Variants in SLC24A2 observed in about 807,000 individuals in gnomAD.
The protein encoded by SLC24A2 is sodium/potassium/calcium exchanger 2.
In SLC24A2, 36 loss-of-function variants were observed where a neutral mutation model predicts 62.0. The ratio of observed to expected loss-of-function variants is 0.58; its 90% CI spans 0.44 to 0.77. The LOEUF is 0.77. SLC24A2 is among the 30% of genes least tolerant of loss of function. SLC24A2 has a pLI of 0.00. For synonymous variants in SLC24A2, 358 were observed against 294.0 expected (o/e 1.22, Z -2.23); for missense variants, 846 against 817.9 (o/e 1.03, Z -0.42).
the SLC24A2 span, among the ~76,000 whole-genome samples, chr9:19,959,875 G>T: frequency 6.6e-6 from 1 of 152,164 alleles, no homozygotes; most frequent in Non-Finnish European, 1.5e-5. Flanking sequence ...TAAAAATGGA[G>T]AAAGTAAAAT....
intron 2 of SLC24A2, among the ~76,000 whole-genome samples, chr9:19,775,834 T>G (rs1822829644): frequency 6.6e-6 from 1 of 152,128 alleles, no homozygotes. Context: ...TTCTTCACCT[T>G]GATCAAACAG....
rs766135341 is a variant in SLC24A2 at position 19,550,138 on chromosome 9, G to A, written c.1478C>T (p.Pro493Leu). ...CTATTTTTAAAATGCTTTACTTACA[G>A]GTTTGCGAACGTCAGGTAACGTAAT... ...LWITLPDVRK[P>L]SSRKFFPITF... The change falls in exon 8 of 11, where the codon CCT becomes CTT. Residue 493 changes from proline (P) to leucine (L), a missense_variant and splice_region_variant. Transcript: ENST00000341998. The A allele has an allele frequency of 3.1e-6, 5 of 1,613,726 alleles. No individual in the cohort carries two copies. The South Asian group carries it at 4.4e-5, about 14-fold the overall frequency.
At position 19,507,680 on chromosome 9, in the gene SLC24A2, T is replaced by G. The variant is rs1832550625; in HGVS notation, c.*8473A>C. On this transcript the variant is annotated 3_prime_UTR_variant, in exon 11 of 11. Transcript: ENST00000341998. ...GCTTCCTGTCTATGTACAGACATAT[T>G]CACAGAGAATAAACTGACATAGTAT... 6.6e-6 allele frequency: 1 copy of G among 152,206 alleles called. No homozygotes were observed. The highest frequency in any genetic ancestry group is 1.5e-5 in the Non-Finnish European group (1 of 68,028). The allele number at this position is 152,206 out of a possible 1,614,324, so 9.4% of individuals were successfully genotyped here. A position where few individuals can be genotyped will look rare whatever the true frequency, so the allele number is the denominator to read the frequency against.
chr9:20,110,913 T>A, the SLC24A2 span, among the ~76,000 whole-genome samples: 1 of 152,210 alleles, frequency 6.6e-6, no homozygotes, highest in African/African-American at 2.4e-5. Flanking sequence ...CATTTTACAA[T>A]CAATGGCATG....
chr9:20,231,100 T>C, the SLC24A2 span, among the ~76,000 whole-genome samples: 1 of 152,212 alleles, frequency 6.6e-6, no homozygotes, highest in African/African-American at 2.4e-5. Flanking sequence ...TATATCTCTG[T>C]TTTGGTACCA....
chr9:19,896,372 C>A, the SLC24A2 span, among the ~76,000 whole-genome samples: 1 of 152,156 alleles, frequency 6.6e-6, no homozygotes, highest in Non-Finnish European at 1.5e-5. Flanking sequence ...AACAGATGAA[C>A]ATTTGTCTAA....
chr9:20,148,043 A>G, the SLC24A2 span, among the ~76,000 whole-genome samples: 1 of 152,026 alleles, frequency 6.6e-6, no homozygotes, highest in African/African-American at 2.4e-5. Flanking sequence ...CTAGAGTCAG[A>G]TGGGTACTAT....
At chr9:19,934,434 A>G in the SLC24A2 span, among the ~76,000 whole-genome samples, 2 of 151,494 alleles carry the variant, frequency 1.3e-5, no homozygotes, top group Non-Finnish European at 2.9e-5. This position sits in a 1 kb window ranked among gnomAD's most constrained non-coding sequence, Gnocchi z 4.1. Context: ...ACCCCCGCGC[A>G]CCCCCGGGCT....
intron 2 of SLC24A2, among the ~76,000 whole-genome samples, chr9:19,655,046 T>C (rs1468381215): frequency 1.3e-5 from 2 of 152,232 alleles, no homozygotes; most frequent in African/African-American, 4.8e-5. Flanking sequence ...TGTAGACAGA[T>C]AATGTAGACA....
the SLC24A2 span, among the ~76,000 whole-genome samples, chr9:20,135,253 G>A: frequency 6.6e-6 from 1 of 151,594 alleles, no homozygotes; most frequent in African/African-American, 2.4e-5. Flanking sequence ...CAAGAAATTC[G>A]ACCTGACAAA....
At chr9:19,581,354 C>T (rs1385910107) in intron 5 of SLC24A2, among the ~76,000 whole-genome samples, 2 of 152,204 alleles carry the variant, frequency 1.3e-5, no homozygotes, top group East Asian at 3.9e-4. Context: ...TCCCTCATCA[C>T]CTGCAGGTCC....
the SLC24A2 span, among the ~76,000 whole-genome samples, chr9:20,189,987 T>G: frequency 3.9e-5 from 6 of 152,188 alleles, 1 homozygote; most frequent in Admixed American, 3.9e-4. Flanking sequence ...GTGGGACTGA[T>G]CCAAGCATCC....
chr9:20,018,277 ACACT>A, the SLC24A2 span, among the ~76,000 whole-genome samples: 3 of 152,164 alleles, frequency 2.0e-5, no homozygotes, highest in Non-Finnish European at 4.4e-5. Flanking sequence ...AATCAAGTTG[ACACT>A]CAATATTAAC....
chr9:19,661,536 G>A (rs757523769), intron 2 of SLC24A2, among the ~76,000 whole-genome samples: 7 of 152,148 alleles, frequency 4.6e-5, no homozygotes, highest in African/African-American at 1.7e-4. Flanking sequence ...TACAATGTTG[G>A]ACCAATTCAG....
At chr9:19,969,292 C>T in the SLC24A2 span, among the ~76,000 whole-genome samples, 15 of 151,910 alleles carry the variant, frequency 9.9e-5, no homozygotes, top group East Asian at 2.7e-3. Context: ...GTCTCACAGC[C>T]TCCACTCCCT....
At chr9:19,878,664 T>A in the SLC24A2 span, among the ~76,000 whole-genome samples, 2 of 151,884 alleles carry the variant, frequency 1.3e-5, no homozygotes, top group Non-Finnish European at 2.9e-5. Flanking sequence ...CCTCCTCCTA[T>A]CTCTCTCTTT....
At position 19,516,390 on chromosome 9, in the gene SLC24A2, G is replaced by A. The variant is rs768773893; in HGVS notation, c.1749C>T (p.Pro583=). Residue 583 remains proline, a synonymous_variant, in exon 11 of 11, where the codon CCC becomes CCT. Coordinates refer to ENST00000341998, the MANE Select transcript of SLC24A2 (RefSeq NM_020344.4). Reference sequence around the variant, plus strand: ...TGTGAATGACGGTGTACAGGAGCCAGGGCAGTGGGAGCCTGTGCAGAAGTG... The same window carrying A: ...TGTGAATGACGGTGTACAGGAGCCAAGGCAGTGGGAGCCTGTGCAGAAGTG... The part of the protein sequence containing the change: ...IFDITVGLPL[P]WLLYTVIHRF... 4 of 1,613,888 alleles carry A rather than the reference G, an allele frequency of 2.5e-6. No homozygotes were observed. In the Admixed American group the frequency reaches 5.0e-5, roughly 20 times the overall value.
At chr9:20,176,816 A>C in the SLC24A2 span, among the ~76,000 whole-genome samples, 1 of 152,152 alleles carries the variant, frequency 6.6e-6, no homozygotes, top group South Asian at 2.1e-4. Context: ...AAGTTGAAAA[A>C]TCTGCAAATA....
chr9:20,054,304 G>A, the SLC24A2 span, among the ~76,000 whole-genome samples: 1 of 152,018 alleles, frequency 6.6e-6, no homozygotes, highest in South Asian at 2.1e-4. Flanking sequence ...TGATTCTCCT[G>A]TCTCAGCCTC....
Sources: gnomAD v4.1 joint callset for allele counts (sites outside exome capture counted in the v4.1 genomes callset) on GRCh38, gnomAD v4.1.1 for gene constraint, Gnocchi (gnomAD v3.1) non-coding constraint, MANE v1.5 for transcripts, NCBI Gene and HGNC (gene_info 2026-07-23, HGNC 2026-07-21) for gene names.